Variants in USP26 observed in about 807,000 individuals in gnomAD.
The protein encoded by USP26 is ubiquitin carboxyl-terminal hydrolase 26.
For synonymous variants in USP26, 236 were observed against 240.6 expected, an observed-to-expected ratio of 0.98 and a Z score of 0.18; for missense variants, 649 against 642.3, an observed-to-expected ratio of 1.01 and a Z score of -0.11.
At chrX:133,059,978 A>C (rs765623771) in intron 5 of USP26, among the ~76,000 whole-genome samples, 17 of 112,111 alleles carry the variant, frequency 1.5e-4, no homozygotes, top group Admixed American at 1.3e-3. Context: ...CCTGTTCAGC[A>C]GATTAGTATA....
rs184828097 is a variant in USP26 at position 133,036,651 on chromosome X, G to A, written c.-76-8355C>T. Among the ~76,000 whole-genome samples the A allele has an allele frequency of 6.2e-5, 7 of 112,169 alleles. No homozygotes were observed. The East Asian group carries it at 2.0e-3, about 31-fold the overall frequency. Reference sequence around the variant, plus strand: ...CTGCAATAAACACACATGTGCATGTGTCTTTATAGTAGAATGATTTATAAT... The same window carrying A: ...CTGCAATAAACACACATGTGCATGTATCTTTATAGTAGAATGATTTATAAT... On this transcript the variant is annotated intron_variant, in intron 5 of 5. Coordinates refer to ENST00000511190, the MANE Select transcript of USP26 (RefSeq NM_031907.3).
At chrX:133,045,554 G>A (rs764181470) in intron 5 of USP26, among the ~76,000 whole-genome samples, 11 of 111,598 alleles carry the variant, frequency 9.9e-5, no homozygotes, top group East Asian at 2.8e-4. Flanking sequence ...AACATTCATC[G>A]CAAAGGTCTA....
intron 5 of USP26, among the ~76,000 whole-genome samples, chrX:133,066,950 G>A (rs2067513970): frequency 9.0e-6 from 1 of 111,379 alleles, no homozygotes; most frequent in South Asian, 3.8e-4. Context: ...CCACAGAATG[G>A]GAAAAAATTT....
intron 5 of USP26, among the ~76,000 whole-genome samples, chrX:133,066,004 G>C (rs1157508675): frequency 8.9e-6 from 1 of 111,788 alleles, no homozygotes; most frequent in African/African-American, 3.2e-5. Context: ...ATCTCCTTAA[G>C]CTAATAAACA....
At chrX:133,053,729 C>G (rs1330104464) in intron 5 of USP26, among the ~76,000 whole-genome samples, 2 of 111,252 alleles carry the variant, frequency 1.8e-5, no homozygotes, top group South Asian at 3.8e-4. Context: ...GCAGGGAGAT[C>G]TCTTAGGTTG....
intron 5 of USP26, among the ~76,000 whole-genome samples, chrX:133,052,723 A>G (rs113483636): frequency 3.7e-4 from 42 of 112,246 alleles, no homozygotes; most frequent in African/African-American, 1.3e-3. Context: ...TAGGAATAGA[A>G]TATAGTAGAC....
chrX:133,092,078 G>A (rs1326212346), intron 1 of USP26, among the ~76,000 whole-genome samples: 1 of 111,637 alleles, frequency 9.0e-6, no homozygotes, highest in African/African-American at 3.3e-5. Flanking sequence ...TGGTTGGTTG[G>A]ATCAAGGTAC....
chrX:133,062,346 A>C (rs1313585215), intron 5 of USP26, among the ~76,000 whole-genome samples: 1 of 112,153 alleles, frequency 8.9e-6, no homozygotes, highest in Non-Finnish European at 1.9e-5. Flanking sequence ...TCTGCCTGCC[A>C]GCTCTGAAGA....
chrX:133,055,173 T>G (rs1438286193), intron 5 of USP26, among the ~76,000 whole-genome samples: 1 of 112,434 alleles, frequency 8.9e-6, no homozygotes, highest in Non-Finnish European at 1.9e-5. Context: ...TTTCTTTCAC[T>G]TAGTTTTAGG....
chrX:133,092,453 A>G (rs1324437848), intron 1 of USP26, among the ~76,000 whole-genome samples: 2 of 112,371 alleles, frequency 1.8e-5, no homozygotes, highest in African/African-American at 3.2e-5. Flanking sequence ...TTAGAAAAAC[A>G]TGGACATCAG....
chrX:133,083,470 T>G (rs1036902807), intron 5 of USP26, among the ~76,000 whole-genome samples: 1 of 110,380 alleles, frequency 9.1e-6, no homozygotes, highest in Admixed American at 9.7e-5. Context: ...CAGGACTTGT[T>G]GGGTTGTGGG....
intron 5 of USP26, among the ~76,000 whole-genome samples, chrX:133,029,494 C>T (rs2067368447): frequency 8.9e-6 from 1 of 111,891 alleles, no homozygotes; most frequent in African/African-American, 3.2e-5. Context: ...AGAAATGGGG[C>T]CATAAAAACA....
chrX:133,075,086 A>T (rs990881836), intron 5 of USP26, among the ~76,000 whole-genome samples: 1 of 110,962 alleles, frequency 9.0e-6, no homozygotes, highest in African/African-American at 3.3e-5. Context: ...GTGTCCTCCC[A>T]CTTTTATACC....
intron 5 of USP26, among the ~76,000 whole-genome samples, chrX:133,037,780 A>C (rs1012718976): frequency 8.9e-6 from 1 of 112,034 alleles, no homozygotes; most frequent in Admixed American, 9.5e-5. Flanking sequence ...GGTCATGTTC[A>C]TACTGATTCT....
intron 5 of USP26, among the ~76,000 whole-genome samples, chrX:133,047,855 C>A (rs1388007522): frequency 8.9e-6 from 1 of 111,821 alleles, no homozygotes; most frequent in Non-Finnish European, 1.9e-5. Context: ...ACCTTAACCT[C>A]AAACTTCCCA....
chrX:133,053,537 T>TAA (rs1403278998), intron 5 of USP26, among the ~76,000 whole-genome samples: 8 of 90,880 alleles, frequency 8.8e-5, no homozygotes, highest in Non-Finnish European at 1.3e-4. Context: ...GACTCTTTTT[T>TAA]AAAAAAAAAA....
chrX:133,036,467 T>C (rs1392543038), intron 5 of USP26, among the ~76,000 whole-genome samples: 1 of 111,228 alleles, frequency 9.0e-6, no homozygotes, highest in Non-Finnish European at 1.9e-5. Flanking sequence ...CTGAGGATGA[T>C]GGTTTCCAGC....
chrX:133,087,893 G>A (rs1054424292), intron 4 of USP26, among the ~76,000 whole-genome samples: 1 of 111,607 alleles, frequency 9.0e-6, no homozygotes, highest in African/African-American at 3.3e-5. Flanking sequence ...TTCAAGGCCA[G>A]GTATGGTGGC....
intron 5 of USP26, among the ~76,000 whole-genome samples, chrX:133,051,440 C>A (rs1232107162): frequency 8.9e-6 from 1 of 111,787 alleles, no homozygotes; most frequent in Admixed American, 9.5e-5. Context: ...TTGAAGATGC[C>A]ATTGAGCCAC....
Sources: allele counts gnomAD v4.1 joint callset (sites outside exome capture counted in the v4.1 genomes callset), GRCh38; gene constraint gnomAD v4.1.1; transcripts MANE v1.5; gene names NCBI Gene and HGNC (gene_info 2026-07-23, HGNC 2026-07-21).